SNX9: variants seen among roughly 807,000 people sequenced by gnomAD.
SNX9 encodes sorting nexin-9.
In SNX9, 44 loss-of-function variants were observed where a neutral mutation model predicts 89.4. The ratio of observed to expected loss-of-function variants is 0.49; its 90% CI spans 0.39 to 0.63. SNX9 has a LOEUF of 0.63. SNX9 is among the 30% of genes least tolerant of loss of function. The pLI, the probability that SNX9 is intolerant of heterozygous loss-of-function variation, is 0.00. For missense variants in SNX9, 578 were observed against 736.1 expected (o/e 0.79, Z 2.49); for synonymous variants, 236 against 247.8 (o/e 0.95, Z 0.45).
intron 6 of SNX9, among the ~76,000 whole-genome samples, 167 bp downstream of exon 6, chr6:157,902,212 T>TAAAAA (rs57207307): frequency 6.9e-6 from 1 of 144,976 alleles, no homozygotes; most frequent in African/African-American, 2.5e-5. Flanking sequence ...GAAGCTTACT[T>TAAAAA]AAAAAAAAAA....
At chr6:157,861,742 G>GT (rs1782128788) in intron 1 of SNX9, among the ~76,000 whole-genome samples, 1 of 152,210 alleles carries the variant, frequency 6.6e-6, no homozygotes, top group South Asian at 2.1e-4. Flanking sequence ...TGTGTACTAT[G>GT]TTTTTTCTAT....
chr6:157,857,221 C>T (rs1323392845), intron 1 of SNX9, among the ~76,000 whole-genome samples: 2 of 152,166 alleles, frequency 1.3e-5, no homozygotes, highest in African/African-American at 4.8e-5. Context: ...ACAGCAAGCT[C>T]ATCTTCAGGT....
rs1467190734 is a variant in SNX9 at position 157,875,050 on chromosome 6, G to A, written c.175-1G>A. 6.2e-7 allele frequency: 1 copy of A among 1,613,708 alleles called. No homozygotes were observed. On this transcript the variant is annotated splice_acceptor_variant, in intron 3 of 17. Transcript: ENST00000392185. LOFTEE classifies it high-confidence loss of function. The stretch of plus-strand genomic sequence containing the variant: ...TAATTGCGGCTCTTTCTCCTATTCA[G>A]ATTTTACCCAGTGATGGAAAAGATC...
chr6:157,862,518 T>C (rs1782160112), intron 1 of SNX9, among the ~76,000 whole-genome samples: 1 of 152,222 alleles, frequency 6.6e-6, no homozygotes, highest in South Asian at 2.1e-4. Flanking sequence ...TTAATTGTAC[T>C]TTTCTGTTTT....
intron 1 of SNX9, among the ~76,000 whole-genome samples, chr6:157,848,362 G>A (rs1781843022): frequency 6.6e-6 from 1 of 152,094 alleles, no homozygotes; most frequent in Non-Finnish European, 1.5e-5. Flanking sequence ...AGGCTATTAG[G>A]GGAAAATTCT....
intron 1 of SNX9, among the ~76,000 whole-genome samples, chr6:157,860,446 T>C (rs1450988970): frequency 6.6e-6 from 1 of 152,226 alleles, no homozygotes; most frequent in Non-Finnish European, 1.5e-5. Flanking sequence ...AAGTTTTGTG[T>C]GTTTAATTAT....
chr6:157,881,518 CT>C (rs1782623501), intron 4 of SNX9, among the ~76,000 whole-genome samples: 1 of 152,166 alleles, frequency 6.6e-6, no homozygotes, highest in South Asian at 2.1e-4. Context: ...GTGAGGAAGG[CT>C]TGTCAAAAGC....
chr6:157,839,914 T>C (rs933442830), intron 1 of SNX9, among the ~76,000 whole-genome samples: 12 of 152,228 alleles, frequency 7.9e-5, no homozygotes, highest in African/African-American at 2.7e-4. Context: ...CAGACCTTTC[T>C]GTCTTAATGT....
At chr6:157,937,732 C>T (rs186424887) in intron 15 of SNX9, among the ~76,000 whole-genome samples, 2 of 152,324 alleles carry the variant, frequency 1.3e-5, no homozygotes, top group Admixed American at 1.3e-4. Context: ...AAAATCTGTA[C>T]ATCACCTCAG....
At chr6:157,938,236 T>C (rs11968531) in intron 15 of SNX9, among the ~76,000 whole-genome samples, 3,113 of 152,308 alleles carry the variant, frequency 0.02, 95 homozygotes, top group African/African-American at 0.071. Context: ...TATTCTGTTG[T>C]ATAAAAAAAG....
At chr6:157,928,028 G>A (rs929955257) in intron 11 of SNX9, among the ~76,000 whole-genome samples, 14 of 152,048 alleles carry the variant, frequency 9.2e-5, no homozygotes, top group African/African-American at 2.7e-4. Context: ...TCCTCTGTAC[G>A]TATGTAATTA....
chr6:157,897,094 A>G (rs970817262), intron 5 of SNX9, 96 bp downstream of exon 5: 7 of 1,204,826 alleles, frequency 5.8e-6, no homozygotes, highest in Non-Finnish European at 8.0e-6. Context: ...CACACTCAGC[A>G]CAACACAGAA....
At chr6:157,941,654 G>A (rs9458900) in intron 17 of SNX9, among the ~76,000 whole-genome samples, 1 of 152,064 alleles carries the variant, frequency 6.6e-6, no homozygotes, top group African/African-American at 2.4e-5. Flanking sequence ...TCTGGCCATG[G>A]GATCTAAGCC....
At chr6:157,865,518 G>T (rs1782243729) in intron 1 of SNX9, among the ~76,000 whole-genome samples, 1 of 152,184 alleles carries the variant, frequency 6.6e-6, no homozygotes, top group African/African-American at 2.4e-5. Flanking sequence ...AGCCTCCAAG[G>T]ATGGAGGTGG....
intron 12 of SNX9, among the ~76,000 whole-genome samples, chr6:157,931,948 AT>A (rs1783817810): frequency 1.3e-5 from 2 of 152,202 alleles, no homozygotes; most frequent in Non-Finnish European, 2.9e-5. Context: ...CTTACATCTC[AT>A]TTGGTGAATG....
intron 1 of SNX9, among the ~76,000 whole-genome samples, chr6:157,841,280 T>C (rs568955204): frequency 6.6e-6 from 1 of 152,330 alleles, no homozygotes; most frequent in Non-Finnish European, 1.5e-5. Context: ...CACATCTGTG[T>C]GTTTTAATTT....
chr6:157,912,083 CCGGTT>C (rs1333062502), intron 9 of SNX9, among the ~76,000 whole-genome samples: 4 of 152,294 alleles, frequency 2.6e-5, no homozygotes, highest in Non-Finnish European at 4.4e-5. Flanking sequence ...GTACCTCAAC[CCGGTT>C]CAGACACTCC....
intron 1 of SNX9, among the ~76,000 whole-genome samples, chr6:157,830,784 C>T (rs183944532): frequency 3.1e-4 from 47 of 152,220 alleles, no homozygotes; most frequent in African/African-American, 9.9e-4. Context: ...AAATTCTCAG[C>T]GGTTATTCAT....
At chr6:157,852,113 C>A (rs564458663) in intron 1 of SNX9, among the ~76,000 whole-genome samples, 1 of 152,162 alleles carries the variant, frequency 6.6e-6, no homozygotes, top group Non-Finnish European at 1.5e-5. Flanking sequence ...TCCCTGCTTT[C>A]AGTTCTTTTG....
Sources: allele counts gnomAD v4.1 joint callset (sites outside exome capture counted in the v4.1 genomes callset), GRCh38; gene constraint gnomAD v4.1.1; transcripts MANE v1.5; gene names NCBI Gene and HGNC (gene_info 2026-07-23, HGNC 2026-07-21).